The following COG5 variants were observed in gnomAD, a reference collection of about 807,000 sequenced individuals.
The protein encoded by COG5 is conserved oligomeric Golgi complex subunit 5.
Under a neutral mutation model 110.4 loss-of-function variants are expected in COG5, and 86 were observed. That is an observed-to-expected ratio of 0.78 (90% confidence interval 0.65 to 0.93). The LOEUF (loss-of-function observed/expected upper bound fraction) is 0.93. Among genes scored for constraint, COG5 ranks in the 40% least tolerant of loss-of-function variants. The pLI, the probability that COG5 is intolerant of heterozygous loss-of-function variation, is 0.00. For synonymous variants in COG5, 360 were observed against 334.6 expected (o/e 1.08, Z -0.83); for missense variants, 1,077 against 987.0 (o/e 1.09, Z -1.22).
Position 107,428,458 on chromosome 7 carries a change from T to C in COG5, c.539-15826A>G, listed in dbSNP as rs552647982. Reference sequence around the variant, plus strand: ...GTGAAGATAGAGGCAGAGACTGGAATGACACATTTATAAGTCAAGCAACAA... The same window carrying C: ...GTGAAGATAGAGGCAGAGACTGGAACGACACATTTATAAGTCAAGCAACAA... On this transcript the variant is annotated intron_variant, in intron 6 of 21. Transcript: ENST00000297135. Among the ~76,000 whole-genome samples, 5 of 151,910 alleles carry C rather than the reference T, an allele frequency of 3.3e-5. No homozygotes were observed. In the East Asian group the frequency reaches 9.7e-4, roughly 29 times the overall value.
At chr7:107,232,162 T>C (rs76058879) in intron 18 of COG5, among the ~76,000 whole-genome samples, 1,749 of 152,264 alleles carry the variant, frequency 0.011, 22 homozygotes, top group Middle Eastern at 0.034. Flanking sequence ...TAAATAAATA[T>C]AAAGATAAAA....
chr7:107,315,537 C>G (rs1808652112), intron 11 of COG5, among the ~76,000 whole-genome samples: 2 of 151,442 alleles, frequency 1.3e-5, no homozygotes, highest in Non-Finnish European at 2.9e-5. Context: ...AATTTATTGT[C>G]AAGCTCTTGG....
At chr7:107,337,289 C>G (rs964295155) in intron 10 of COG5, among the ~76,000 whole-genome samples, 2 of 152,144 alleles carry the variant, frequency 1.3e-5, no homozygotes, top group African/African-American at 4.8e-5. Flanking sequence ...TCAGCAATCA[C>G]ATTACTGGGT....
At chr7:107,314,484 C>T (rs2117012765) in intron 11 of COG5, among the ~76,000 whole-genome samples, 1 of 151,278 alleles carries the variant, frequency 6.6e-6, no homozygotes, top group African/African-American at 2.4e-5. Flanking sequence ...CGGCTCACGC[C>T]TGTAATCCCA....
chr7:107,513,157 G>C (rs1384195416), intron 6 of COG5, among the ~76,000 whole-genome samples: 1 of 152,000 alleles, frequency 6.6e-6, no homozygotes, highest in Non-Finnish European at 1.5e-5. Flanking sequence ...ATCTGACAAA[G>C]GGCTAATATC....
At chr7:107,305,721 G>A (rs556124161) in intron 11 of COG5, among the ~76,000 whole-genome samples, 1 of 152,062 alleles carries the variant, frequency 6.6e-6, no homozygotes, top group African/African-American at 2.4e-5. Flanking sequence ...CTTGTGAGCT[G>A]AGAGCCTCAG....
intron 10 of COG5, among the ~76,000 whole-genome samples, chr7:107,325,684 AAAAAT>A (rs1408839547): frequency 1.1e-4 from 17 of 152,280 alleles, no homozygotes; most frequent in African/African-American, 4.1e-4. Flanking sequence ...AAGTAAGAGT[AAAAAT>A]AAAATAAAAT....
chr7:107,342,368 C>CAAA (rs796981383), intron 10 of COG5, among the ~76,000 whole-genome samples: 24 of 97,758 alleles, frequency 2.5e-4, no homozygotes, highest in African/African-American at 5.7e-4. Flanking sequence ...ACAAACAAAC[C>CAAA]AAAAAAAAAA....
At chr7:107,226,934 T>C (rs537583222) in intron 19 of COG5, among the ~76,000 whole-genome samples, 90 of 152,324 alleles carry the variant, frequency 5.9e-4, no homozygotes, top group African/African-American at 2.1e-3. Flanking sequence ...CTATGAAGGA[T>C]ACTCCATAGG....
intron 5 of COG5, among the ~76,000 whole-genome samples, chr7:107,541,452 G>A (rs1458183126): frequency 2.3e-4 from 28 of 120,962 alleles, no homozygotes; most frequent in African/African-American, 7.2e-4. Flanking sequence ...GGTTGAGATC[G>A]TGCCACTGCA....
At chr7:107,397,200 T>C (rs1791079894) in intron 7 of COG5, among the ~76,000 whole-genome samples, 1 of 152,176 alleles carries the variant, frequency 6.6e-6, no homozygotes, top group African/African-American at 2.4e-5. Context: ...CTTAGGCAAT[T>C]TGGGGAAGGA....
chr7:107,311,332 G>A (rs1023652790), intron 11 of COG5, among the ~76,000 whole-genome samples: 1 of 136,070 alleles, frequency 7.3e-6, no homozygotes, highest in African/African-American at 2.7e-5. Context: ...TGTACGTTCT[G>A]CATTTCTCTA....
chr7:107,243,216 C>T (rs1163871412), intron 17 of COG5, among the ~76,000 whole-genome samples: 1 of 151,926 alleles, frequency 6.6e-6, no homozygotes, highest in African/African-American at 2.4e-5. Context: ...TTCTTAGAGA[C>T]CTTCAAAGAA....
chr7:107,227,506 C>T (rs1185302543), intron 19 of COG5, among the ~76,000 whole-genome samples: 1 of 152,026 alleles, frequency 6.6e-6, no homozygotes, highest in Non-Finnish European at 1.5e-5. Context: ...TTAAATGTTC[C>T]TTTAGAGATT....
At position 107,513,467 on chromosome 7, in the gene COG5, C is replaced by T. The variant is rs192667603; in HGVS notation, c.538+13770G>A. ...TGTTGGTGGGACTGTAAACTAGTTCCACCATTGTGCAAGTCAGTGTGGCGA... is the reference window on the plus strand; with the variant it reads ...TGTTGGTGGGACTGTAAACTAGTTCTACCATTGTGCAAGTCAGTGTGGCGA... On this transcript the variant is annotated intron_variant, in intron 6 of 21. Coordinates refer to ENST00000297135, the MANE Select transcript of COG5 (RefSeq NM_006348.5). Among the ~76,000 whole-genome samples the T allele has an allele frequency of 7.2e-3, 1,093 of 152,196 alleles. 14 individuals are homozygous for T. Among genetic ancestry groups the T allele is most frequent in the African/African-American group, 0.023 (961 of 41,516 alleles).
Position 107,248,427 on chromosome 7 carries a change from T to C in COG5, c.1822A>G (p.Ile608Val). Residue 608 changes from isoleucine (I) to valine (V), a missense_variant, in exon 17 of 22, where the codon ATC becomes GTC. Coordinates refer to ENST00000297135, the MANE Select transcript of COG5 (RefSeq NM_006348.5). ...AAGTCTTCTTGATGCATGGTGATGA[T>C]TATGGCCTCTATAGCATCTCCCACA... Reference protein sequence around the residue: ...TSVGDAIEAIIITMHQEDFSG... With the variant: ...TSVGDAIEAIVITMHQEDFSG... The C allele has an allele frequency of 6.2e-7, 1 of 1,612,210 alleles. No homozygotes were observed.
At chr7:107,266,909 T>C (rs564671782) in intron 14 of COG5, among the ~76,000 whole-genome samples, 4 of 152,336 alleles carry the variant, frequency 2.6e-5, no homozygotes, top group Admixed American at 1.3e-4. Context: ...AAGAGGTTTT[T>C]TACTAGCTAT....
At chr7:107,323,925 A>G (rs1306248866) in intron 11 of COG5, among the ~76,000 whole-genome samples, 1 of 152,212 alleles carries the variant, frequency 6.6e-6, no homozygotes, top group Middle Eastern at 3.2e-3. Flanking sequence ...CTACCAGTCC[A>G]TTATTTCATG....
In COG5 at chr7:107,447,169, T is replaced by C. The variant is rs561230056; in HGVS notation, c.539-34537A>G. Among the ~76,000 whole-genome samples the C allele has an allele frequency of 1.4e-4, 21 of 152,268 alleles. No individual in the cohort carries two copies. In the South Asian group the frequency reaches 4.4e-3, roughly 32 times the overall value. Reference sequence around the variant, plus strand: ...TCTCAGCTTCTAGAGGCCACCCACATTCCTTGGCTCATAGCTCCCTACTTC... The same window carrying C: ...TCTCAGCTTCTAGAGGCCACCCACACTCCTTGGCTCATAGCTCCCTACTTC... On this transcript the variant is annotated intron_variant, in intron 6 of 21. Transcript: ENST00000297135.
Sources: allele counts gnomAD v4.1 joint callset (sites outside exome capture counted in the v4.1 genomes callset), GRCh38; gene constraint gnomAD v4.1.1; transcripts MANE v1.5; gene names NCBI Gene and HGNC (gene_info 2026-07-23, HGNC 2026-07-21).